C6orf52: variants seen among roughly 807,000 people sequenced by gnomAD.
C6orf52 encodes the protein chromosome 6 open reading frame 52.
A neutral mutation model predicts 16.6 loss-of-function variants in C6orf52; 16 were observed. The observed-to-expected ratio is 0.96, with a 90% CI of 0.65 to 1.46. The LOEUF is 1.46. Among genes scored for constraint, C6orf52 ranks in the 40% most tolerant of loss-of-function variants. The pLI, the probability that C6orf52 is intolerant of heterozygous loss-of-function variation, is 0.00. For synonymous variants in C6orf52, 53 were observed against 61.4 expected (o/e 0.86, Z 0.64); for missense variants, 166 against 182.3 (o/e 0.91, Z 0.52).
upstream of C6orf52, chr6:10,694,861 C>T (rs1769732131): frequency 1.5e-6 from 1 of 681,020 alleles, no homozygotes; most frequent in Non-Finnish European, 2.5e-6. Context: ...AGCCCTGGAG[C>T]CTGACGTATA....
At chr6:10,679,568 TA>T (rs1005395904) in intron 4 of C6orf52, among the ~76,000 whole-genome samples, 43 of 120,370 alleles carry the variant, frequency 3.6e-4, no homozygotes, top group East Asian at 6.3e-4. Flanking sequence ...TCTAACTTGT[TA>T]AAAAAAAAAA....
intron 4 of C6orf52, 23 bp from the exon 5 acceptor site, chr6:10,671,621 T>C (rs1023296514): frequency 1.3e-6 from 2 of 1,489,828 alleles, no homozygotes; most frequent in African/African-American, 2.9e-5. Context: ...ATAATGGATA[T>C]GAAAAAAATA....
intron 3 of C6orf52, among the ~76,000 whole-genome samples, 151 bp from the exon 4 acceptor site, chr6:10,683,383 T>C (rs1768575541): frequency 1.3e-5 from 2 of 152,346 alleles, no homozygotes; most frequent in African/African-American, 4.8e-5. Context: ...ACTTTTGAAT[T>C]TGATGAAAAG....
chr6:10,676,166 C>T (rs1054594803), intron 4 of C6orf52, among the ~76,000 whole-genome samples: 1 of 152,052 alleles, frequency 6.6e-6, no homozygotes, highest in South Asian at 2.1e-4. Flanking sequence ...AAACTTATCC[C>T]TGTAACCAAA....
intron 1 of C6orf52, among the ~76,000 whole-genome samples, chr6:10,689,438 C>T (rs1769110780): frequency 6.6e-6 from 1 of 152,212 alleles, no homozygotes; most frequent in Admixed American, 6.5e-5. Context: ...TGATTAGCAA[C>T]TGTGGCAGAC....
At chr6:10,686,945 A>G in intron 3 of C6orf52, 21 bp downstream of exon 3, 1 of 1,495,328 alleles carries the variant, frequency 6.7e-7, no homozygotes, top group Non-Finnish European at 9.0e-7. Context: ...ATGACACAAG[A>G]TTCATTCTAG....
intron 3 of C6orf52, chr6:10,685,037 G>A: frequency 2.4e-6 from 1 of 412,780 alleles, no homozygotes; most frequent in South Asian, 2.5e-5. Flanking sequence ...AACAAAAATG[G>A]ACAGAGGAAT....
intron 3 of C6orf52, among the ~76,000 whole-genome samples, chr6:10,685,888 T>G (rs752474491): frequency 6.6e-6 from 1 of 152,340 alleles, no homozygotes; most frequent in East Asian, 1.9e-4. Flanking sequence ...CTATTAAAAT[T>G]TTTTAATGTT....
rs535487722 is a variant in C6orf52, at chr6:10,673,903, T to TA, written c.317-2306dup. On this transcript the variant is annotated intron_variant, in intron 4 of 4. Transcript: ENST00000259983. The stretch of plus-strand genomic sequence containing the variant: ...TATGCTGCATTTCAAAGACTTGATG[T>TA]AAAAAAAGTCGTTAATTTTTATATT... Among the ~76,000 whole-genome samples, 71 of 152,286 alleles carry TA rather than the reference T, an allele frequency of 4.7e-4. 3 individuals carry two copies. In the South Asian group the frequency reaches 8.1e-3, roughly 17 times the overall value.
At position 10,686,193 on chromosome 6, in the gene C6orf52, G is replaced by C. The variant is rs139134430; in HGVS notation, c.270+773C>G. Among the ~76,000 whole-genome samples, 18 of 152,288 alleles carry C rather than the reference G, an allele frequency of 1.2e-4. 1 individual carries two copies. In the Middle Eastern group the frequency reaches 0.01, roughly 86 times the overall value. ...CTACATGTGTGAGCCATCTTGCCCAGACCATAAGTGGACGATTTTTTAAAG... is the reference window on the plus strand; with the variant it reads ...CTACATGTGTGAGCCATCTTGCCCACACCATAAGTGGACGATTTTTTAAAG... On this transcript the variant is annotated intron_variant, in intron 3 of 4. Transcript: ENST00000259983.
At chr6:10,685,774 CT>C (rs1290102722) in intron 3 of C6orf52, among the ~76,000 whole-genome samples, 1 of 152,154 alleles carries the variant, frequency 6.6e-6, no homozygotes, top group African/African-American at 2.4e-5. Context: ...AAATGCCTCC[CT>C]GCCCTATTAG....
intron 4 of C6orf52, among the ~76,000 whole-genome samples, chr6:10,673,695 C>T (rs1767621424): frequency 6.6e-6 from 1 of 152,042 alleles, no homozygotes; most frequent in Non-Finnish European, 1.5e-5. Context: ...GGCCTTTTGG[C>T]TAAGATCAAG....
intron 3 of C6orf52, among the ~76,000 whole-genome samples, chr6:10,683,488 C>T (rs1768586268): frequency 6.6e-6 from 1 of 152,118 alleles, no homozygotes; most frequent in Non-Finnish European, 1.5e-5. Context: ...GGCCCCTGGC[C>T]CCTGGATTTT....
intron 1 of C6orf52, among the ~76,000 whole-genome samples, chr6:10,688,156 G>T (rs1282839284): frequency 1.3e-5 from 2 of 151,898 alleles, no homozygotes; most frequent in African/African-American, 4.8e-5. Context: ...CTACATTAAT[G>T]AGAGTACAGG....
At chr6:10,687,288 A>G in intron 2 of C6orf52, 124 bp from the exon 3 acceptor site, 1 of 802,790 alleles carries the variant, frequency 1.2e-6, no homozygotes, top group Non-Finnish European at 2.0e-6. Flanking sequence ...TTGATACCTA[A>G]TGTAGATGAC....
intron 1 of C6orf52, among the ~76,000 whole-genome samples, chr6:10,692,213 T>A (rs878958299): frequency 6.6e-6 from 1 of 152,092 alleles, no homozygotes; most frequent in Admixed American, 6.6e-5. Flanking sequence ...TAAACAGATA[T>A]GTTGTGGAGT....
chr6:10,687,011 C>T lies in C6orf52; in HGVS notation c.225G>A (p.Ala75=), dbSNP rs747885880. 1.4e-5 allele frequency: 22 copies of T among 1,551,326 alleles called. No individual in the cohort carries two copies. Among genetic ancestry groups the T allele is most frequent in the Middle Eastern group, 1.7e-4 (1 of 6,012 alleles). The part of the protein sequence containing the change: ...VDGNGKDCFS[A]HETPEHTAGT... ...CAGCTGTGTGTTCAGGGGTCTCATG[C>T]GCAGAAAAACAGTCCTTTCCATTTC... Residue 75 remains alanine (A), a synonymous_variant, in exon 3 of 5, where the codon GCG becomes GCA. Coordinates refer to ENST00000259983, the MANE Select transcript of C6orf52 (RefSeq NM_001145020.3).
intron 1 of C6orf52, among the ~76,000 whole-genome samples, chr6:10,692,760 G>A (rs1227783316): frequency 1.3e-5 from 2 of 152,062 alleles, no homozygotes; most frequent in African/African-American, 4.8e-5. Flanking sequence ...CTGACCTCAA[G>A]CAATCCGCCT....
chr6:10,690,900 T>C (rs1400196283), intron 1 of C6orf52, among the ~76,000 whole-genome samples: 2 of 152,146 alleles, frequency 1.3e-5, no homozygotes, highest in African/African-American at 2.4e-5. Context: ...CCAATCCAGT[T>C]AAACAGGTAT....
Sources: gnomAD v4.1 joint callset for allele counts (sites outside exome capture counted in the v4.1 genomes callset) on GRCh38, gnomAD v4.1.1 for gene constraint, MANE v1.5 for transcripts, NCBI Gene and HGNC (gene_info 2026-07-23, HGNC 2026-07-21) for gene names.